SDK1: variants seen among roughly 807,000 people sequenced by gnomAD.
The protein encoded by SDK1 is sidekick cell adhesion molecule 1.
A neutral mutation model predicts 245.5 loss-of-function variants in SDK1; 157 were observed. The ratio of observed to expected loss-of-function variants is 0.64; its 90% CI spans 0.56 to 0.73. SDK1 has a LOEUF of 0.73. Ranked by LOEUF, SDK1 falls within the 30% of genes least tolerant of loss-of-function variation. The probability of loss-of-function intolerance (pLI) is 0.00; values close to 1 mark genes in which losing one functional copy is unlikely to be tolerated. For missense variants in SDK1, 3,583 were observed against 3,002.3 expected, an observed-to-expected ratio of 1.19 and a Z score of -4.52; for synonymous variants, 1,647 against 1,278.5, an observed-to-expected ratio of 1.29 and a Z score of -6.15.
At chr7:3,670,520 C>A (rs540649845) in intron 4 of SDK1, among the ~76,000 whole-genome samples, 6 of 152,272 alleles carry the variant, frequency 3.9e-5, no homozygotes, top group African/African-American at 1.4e-4. Context: ...CTCTGAAATG[C>A]AGTTATTAGT....
intron 4 of SDK1, among the ~76,000 whole-genome samples, chr7:3,660,517 CCATATCTTTT>C (rs1783318262): frequency 6.6e-6 from 1 of 152,128 alleles, no homozygotes; most frequent in South Asian, 2.1e-4. Flanking sequence ...GCCTATCTTT[CCATATCTTTT>C]GTCACCTTTT....
intron 44 of SDK1, among the ~76,000 whole-genome samples, chr7:4,260,998 G>C (rs937837808): frequency 1.3e-5 from 2 of 152,198 alleles, no homozygotes; most frequent in African/African-American, 4.8e-5. Context: ...AAGCCAAACA[G>C]TTTATACTTA....
At chr7:4,053,399 A>G (rs193186654) in intron 19 of SDK1, among the ~76,000 whole-genome samples, 15 of 151,958 alleles carry the variant, frequency 9.9e-5, no homozygotes, top group African/African-American at 3.4e-4. Flanking sequence ...TGGCCTTTCT[A>G]AGGGTCCTCC....
intron 4 of SDK1, among the ~76,000 whole-genome samples, chr7:3,698,516 G>T (rs747144549): frequency 6.6e-6 from 1 of 152,252 alleles, no homozygotes; most frequent in African/African-American, 2.4e-5. Flanking sequence ...CACTCAGAGC[G>T]TCAGTGGAGG....
chr7:4,115,658 C>G (rs1469669301), intron 25 of SDK1, among the ~76,000 whole-genome samples: 1 of 152,178 alleles, frequency 6.6e-6, no homozygotes, highest in African/African-American at 2.4e-5. Flanking sequence ...GCTGGGGAGT[C>G]AAGAGATGGC....
At chr7:3,931,177 C>T (rs1779964848) in intron 5 of SDK1, among the ~76,000 whole-genome samples, 1 of 152,190 alleles carries the variant, frequency 6.6e-6, no homozygotes, top group Non-Finnish European at 1.5e-5. Context: ...ACGAGCAGAT[C>T]AACCCATTTT....
At chr7:3,814,513 T>G (rs1033560757) in intron 4 of SDK1, among the ~76,000 whole-genome samples, 1 of 151,994 alleles carries the variant, frequency 6.6e-6, no homozygotes, top group African/African-American at 2.4e-5. Context: ...TTGGTTACTG[T>G]AGCCTTGTAG....
At position 3,526,620 on chromosome 7, in the gene SDK1, G is replaced by T. The variant is rs1350949838; in HGVS notation, c.299-92460G>T. Among the ~76,000 whole-genome samples the T allele has an allele frequency of 4.6e-5, 7 of 152,092 alleles. 1 individual carries two copies. The highest frequency in any genetic ancestry group is 3.9e-4 in the Admixed American group (6 of 15,268). On this transcript the variant is annotated intron_variant, in intron 1 of 44. Transcript: ENST00000404826. ...TTGCTTGGGAACGCTGGATGAAGTG[G>T]TTACTTTCATTTCTCTTTTTCACCA... is the stretch of plus-strand genomic sequence containing the variant.
At chr7:4,071,099 C>T (rs1160073047) in intron 20 of SDK1, among the ~76,000 whole-genome samples, 4 of 151,974 alleles carry the variant, frequency 2.6e-5, no homozygotes, top group African/African-American at 7.3e-5. Flanking sequence ...GATCTTGGCT[C>T]ACTGGAACAT....
rs182145653 is a variant in SDK1 at position 3,344,096 on chromosome 7, A to G, written c.298+42212A>G. Among the ~76,000 whole-genome samples the G allele has an allele frequency of 4.1e-3, 629 of 152,280 alleles. 7 individuals are homozygous for G. Among genetic ancestry groups the G allele is most frequent in the South Asian group, 0.017 (84 of 4,826 alleles). ...TAGATCAAACAAAGCAATAAAAGGA[A>G]TATTTTGTACCAAAGCCTATGGACA... On this transcript the variant is annotated intron_variant, in intron 1 of 44. Coordinates refer to ENST00000404826, the MANE Select transcript of SDK1 (RefSeq NM_152744.4).
At chr7:3,347,890 ATG>A in intron 1 of SDK1, among the ~76,000 whole-genome samples, 1 of 95,640 alleles carries the variant, frequency 1.0e-5, no homozygotes, top group Non-Finnish European at 2.0e-5. Context: ...CACATTAAAT[ATG>A]TTTTTTTTTT....
intron 17 of SDK1, among the ~76,000 whole-genome samples, chr7:4,022,690 G>T (rs928840073): frequency 7.2e-5 from 11 of 152,018 alleles, no homozygotes; most frequent in African/African-American, 2.7e-4. Flanking sequence ...CCTTAAGGAA[G>T]ATCAGCAGTA....
intron 19 of SDK1, among the ~76,000 whole-genome samples, chr7:4,058,494 C>G (rs1213933440): frequency 6.6e-6 from 1 of 151,994 alleles, no homozygotes; most frequent in Admixed American, 6.6e-5. Flanking sequence ...ATATGGGAGG[C>G]TCAGAGATCC....
At chr7:4,031,079 A>G (rs1787780905) in intron 17 of SDK1, among the ~76,000 whole-genome samples, 1 of 152,214 alleles carries the variant, frequency 6.6e-6, no homozygotes, top group African/African-American at 2.4e-5. Context: ...CTGCATCTAT[A>G]TATACACATG....
At chr7:3,972,314 C>T (rs112133458) in intron 12 of SDK1, among the ~76,000 whole-genome samples, 2,501 of 152,214 alleles carry the variant, frequency 0.016, 72 homozygotes, top group African/African-American at 0.056. Flanking sequence ...GTCTTGACCT[C>T]GTGATCCACC....
At chr7:3,444,183 T>C (rs1780278408) in intron 1 of SDK1, among the ~76,000 whole-genome samples, 2 of 152,204 alleles carry the variant, frequency 1.3e-5, no homozygotes, top group South Asian at 4.1e-4. Context: ...GTTTGCTACC[T>C]CCTGAGCCCA....
intron 1 of SDK1, among the ~76,000 whole-genome samples, chr7:3,333,973 ACCTTGGC>A (rs2128551991): frequency 6.6e-6 from 1 of 152,222 alleles, no homozygotes; most frequent in East Asian, 1.9e-4. Flanking sequence ...GAACCACACC[ACCTTGGC>A]CGCTGTCCAC....
At chr7:4,010,096 C>T (rs574745278) in intron 14 of SDK1, among the ~76,000 whole-genome samples, 3 of 152,266 alleles carry the variant, frequency 2.0e-5, no homozygotes, top group African/African-American at 4.8e-5. Context: ...CGAGACAGCT[C>T]GATTTCCAGA....
chr7:3,977,743 C>T (rs913981977), intron 13 of SDK1, among the ~76,000 whole-genome samples: 5 of 152,220 alleles, frequency 3.3e-5, no homozygotes, highest in African/African-American at 1.2e-4. Context: ...TTCATGGCTC[C>T]CTCTCCTCCT....
Sources: allele counts gnomAD v4.1 joint callset (sites outside exome capture counted in the v4.1 genomes callset), GRCh38; gene constraint gnomAD v4.1.1; transcripts MANE v1.5; gene names NCBI Gene and HGNC (gene_info 2026-07-23, HGNC 2026-07-21).